The following DTNBP1 variants were observed in gnomAD, a reference collection of about 807,000 sequenced individuals.
DTNBP1 encodes the protein dysbindin.
In DTNBP1, 35 loss-of-function variants were observed where a neutral mutation model predicts 42.8. The ratio of observed to expected loss-of-function variants is 0.82; its 90% CI spans 0.63 to 1.09. DTNBP1 has a LOEUF of 1.09. Among genes scored for constraint, DTNBP1 ranks in the 50% least tolerant of loss-of-function variants. DTNBP1 has a pLI of 0.00. For missense variants in DTNBP1, 457 were observed against 424.2 expected, an observed-to-expected ratio of 1.08 and a Z score of -0.68; for synonymous variants, 171 against 162.2, an observed-to-expected ratio of 1.05 and a Z score of -0.41.
At chr6:15,571,422 T>G (rs1775335085) in intron 7 of DTNBP1, among the ~76,000 whole-genome samples, 2 of 152,236 alleles carry the variant, frequency 1.3e-5, no homozygotes, top group South Asian at 4.1e-4. Flanking sequence ...CTTTAAAGAT[T>G]GTAAATCACA....
Position 15,533,526 on chromosome 6 carries a change from C to T in DTNBP1, c.512-131G>A, listed in dbSNP as rs189450651. 1.7e-3 allele frequency: 2,449 copies of T among 1,452,728 alleles called. 39 individuals carry two copies. In the Admixed American group the frequency reaches 0.039, roughly 23 times the overall value. 90.0% of individuals were successfully genotyped at this position (1,452,728 alleles called of 1,614,324 possible). On this transcript the variant is annotated intron_variant, in intron 7 of 9. Coordinates refer to ENST00000344537, the MANE Select transcript of DTNBP1 (RefSeq NM_032122.5). The stretch of plus-strand genomic sequence containing the variant: ...GCGTTTACAGACTGGGCTGGTGCCC[C>T]GACTGCGTGTACAGCTGGCCTCCTT...
At chr6:15,544,422 C>T (rs1476983036) in intron 7 of DTNBP1, among the ~76,000 whole-genome samples, 1 of 152,154 alleles carries the variant, frequency 6.6e-6, no homozygotes, top group Non-Finnish European at 1.5e-5. Context: ...TGCATAAATG[C>T]CCAAGAGTGC....
chr6:15,529,421 A>G (rs1772656781), intron 8 of DTNBP1, among the ~76,000 whole-genome samples: 1 of 152,262 alleles, frequency 6.6e-6, no homozygotes, highest in African/African-American at 2.4e-5. Flanking sequence ...AGAGGTGAAT[A>G]TATCAGTATG....
chr6:15,583,568 G>C (rs1235755554), intron 7 of DTNBP1, among the ~76,000 whole-genome samples: 1 of 152,216 alleles, frequency 6.6e-6, no homozygotes, highest in East Asian at 1.9e-4. Flanking sequence ...GAATTCAACA[G>C]ACAAAGTCTC....
chr6:15,600,062 A>T (rs1776668870), intron 6 of DTNBP1, among the ~76,000 whole-genome samples: 1 of 151,842 alleles, frequency 6.6e-6, no homozygotes, highest in Admixed American at 6.6e-5. Flanking sequence ...TTTTAAACTC[A>T]TGCATCCCAC....
intron 7 of DTNBP1, among the ~76,000 whole-genome samples, chr6:15,592,660 C>G (rs1472658356): frequency 1.3e-5 from 2 of 152,142 alleles, no homozygotes; most frequent in Non-Finnish European, 2.9e-5. Context: ...CAGAGCAGGG[C>G]CCAGCACTGA....
At chr6:15,647,132 T>C (rs534430397) in intron 3 of DTNBP1, among the ~76,000 whole-genome samples, 40 of 151,832 alleles carry the variant, frequency 2.6e-4, no homozygotes, top group African/African-American at 8.4e-4. Context: ...CCAGAATCTA[T>C]AAGGAACTTA....
intron 7 of DTNBP1, among the ~76,000 whole-genome samples, chr6:15,569,260 G>A (rs1224717267): frequency 6.6e-6 from 1 of 151,992 alleles, no homozygotes; most frequent in Non-Finnish European, 1.5e-5. Context: ...AGACAGGATC[G>A]CTGACATTAG....
chr6:15,601,867 A>AC, intron 6 of DTNBP1, among the ~76,000 whole-genome samples: 1 of 151,168 alleles, frequency 6.6e-6, no homozygotes, highest in Admixed American at 6.6e-5. Flanking sequence ...AGAAAAAGAA[A>AC]AAAAAAAAAA....
At chr6:15,608,139 C>T (rs954087719) in intron 6 of DTNBP1, among the ~76,000 whole-genome samples, 1 of 152,136 alleles carries the variant, frequency 6.6e-6, no homozygotes, top group African/African-American at 2.4e-5. Flanking sequence ...AGTTTTATCA[C>T]AATTCTGCTT....
At chr6:15,615,525 T>C in intron 5 of DTNBP1, 126 bp from the exon 6 acceptor site, 1 of 1,291,252 alleles carries the variant, frequency 7.7e-7, no homozygotes, top group Non-Finnish European at 1.1e-6. Context: ...TGTTTTTTAT[T>C]AAACTTTCTT....
At chr6:15,651,275 T>C (rs368578285) in intron 3 of DTNBP1, 38 bp downstream of exon 3, 1 of 1,593,012 alleles carries the variant, frequency 6.3e-7, no homozygotes, top group Non-Finnish European at 8.6e-7. Context: ...AGTAAAAAAG[T>C]CAGAAGTATA....
At chr6:15,639,428 A>C (rs924970777) in intron 3 of DTNBP1, among the ~76,000 whole-genome samples, 3 of 152,248 alleles carry the variant, frequency 2.0e-5, no homozygotes, top group African/African-American at 7.2e-5. Context: ...ACAGGAATAC[A>C]TATTTAATGA....
At chr6:15,533,019 T>C (rs920589562) in intron 8 of DTNBP1, among the ~76,000 whole-genome samples, 1 of 151,944 alleles carries the variant, frequency 6.6e-6, no homozygotes, top group Non-Finnish European at 1.5e-5. Context: ...TCTTTAGAGG[T>C]ATTAAAAAAA....
chr6:15,574,845 C>T (rs1436747141), intron 7 of DTNBP1, among the ~76,000 whole-genome samples: 1 of 152,200 alleles, frequency 6.6e-6, no homozygotes, highest in Non-Finnish European at 1.5e-5. Context: ...CCAGCTTTCC[C>T]AATATTCTTC....
intron 7 of DTNBP1, among the ~76,000 whole-genome samples, chr6:15,543,949 G>C (rs541327805): frequency 9.9e-5 from 15 of 152,144 alleles, no homozygotes; most frequent in Admixed American, 7.9e-4. Flanking sequence ...CCCCTTCCTT[G>C]TCTGGTGTGC....
At chr6:15,662,244 G>A (rs942011347) in intron 1 of DTNBP1, among the ~76,000 whole-genome samples, 1 of 152,266 alleles carries the variant, frequency 6.6e-6, no homozygotes, top group Admixed American at 6.5e-5. Flanking sequence ...GGCAAAGGTA[G>A]AGAAAGGACG....
intron 1 of DTNBP1, among the ~76,000 whole-genome samples, chr6:15,653,405 A>G (rs1761122957): frequency 6.6e-6 from 1 of 152,086 alleles, no homozygotes; most frequent in Non-Finnish European, 1.5e-5. Flanking sequence ...TTTCTCTACC[A>G]TTGGTCACCT....
At chr6:15,624,460 G>T (rs1254637477) in intron 5 of DTNBP1, among the ~76,000 whole-genome samples, 6 of 152,206 alleles carry the variant, frequency 3.9e-5, no homozygotes, top group African/African-American at 1.4e-4. Flanking sequence ...CTAGGTACCA[G>T]GAGCCATATT....
Sources: gnomAD v4.1 joint callset for allele counts (sites outside exome capture counted in the v4.1 genomes callset) on GRCh38, gnomAD v4.1.1 for gene constraint, MANE v1.5 for transcripts, NCBI Gene and HGNC (gene_info 2026-07-23, HGNC 2026-07-21) for gene names.